RAB10: variants seen among roughly 807,000 people sequenced by gnomAD.
RAB10 encodes RAB10, member RAS oncogene family, also known as ras-related protein Rab-10.
Under a neutral mutation model 25.7 loss-of-function variants are expected in RAB10, and 5 were observed. The observed-to-expected ratio is 0.19, with a 90% CI of 0.10 to 0.41. The LOEUF (loss-of-function observed/expected upper bound fraction) is 0.41. Ranked by LOEUF, RAB10 falls within the 10% of genes least tolerant of loss-of-function variation. RAB10 has a pLI of 1.00. For missense variants in RAB10, 103 were observed against 245.8 expected (o/e 0.42, Z 3.89); for synonymous variants, 89 against 86.4 (o/e 1.03, Z -0.16).
chr2:26,098,616 A>C (rs2149280140), intron 1 of RAB10, 46 bp from the exon 2 acceptor site: 1 of 1,416,680 alleles, frequency 7.1e-7, no homozygotes, highest in Middle Eastern at 1.9e-4. Context: ...TAGTATAGCC[A>C]AATGTAAAGC....
chr2:26,103,328 C>T (rs1481538766), intron 2 of RAB10, among the ~76,000 whole-genome samples: 4 of 152,100 alleles, frequency 2.6e-5, no homozygotes, highest in African/African-American at 9.7e-5. Flanking sequence ...CAGTCATATG[C>T]AGGTAGTGGG....
Position 26,071,578 on chromosome 2 carries a change from C to T in RAB10, c.128-27084C>T, listed in dbSNP as rs193186951. Among the ~76,000 whole-genome samples the T allele has an allele frequency of 4.1e-4, 63 of 152,128 alleles. No individual in the cohort carries two copies. In the East Asian group the frequency reaches 0.011, roughly 27 times the overall value. ...TGGTGGGCACCTGTAATCCCAGCTA[C>T]TTGGGAGACTGAGGCAGGAGAATTG... On this transcript the variant is annotated intron_variant, in intron 1 of 5. Transcript: ENST00000264710.
chr2:26,038,500 C>T (rs184210803), intron 1 of RAB10, among the ~76,000 whole-genome samples: 1 of 152,024 alleles, frequency 6.6e-6, no homozygotes, highest in African/African-American at 2.4e-5. Flanking sequence ...CCAGCCTAGA[C>T]TCTGACATTT....
In RAB10 at chr2:26,092,252, TAGTG is replaced by T. The variant is rs568716709; in HGVS notation, c.128-6407_128-6404del. ...TTGGGAACATGGAGATCATTGATCA[TAGTG>T]AGAGCTGTGTGTGTGTGTGTGTGTG... On this transcript the variant is annotated intron_variant, in intron 1 of 5. Transcript: ENST00000264710. Among the ~76,000 whole-genome samples the T allele has an allele frequency of 6.3e-4, 92 of 146,782 alleles. No individual in the cohort carries two copies. In the East Asian group the frequency reaches 7.3e-3, roughly 12 times the overall value.
At chr2:26,034,876 C>T in intron 1 of RAB10, 141 bp downstream of exon 1, 1 of 1,278,780 alleles carries the variant, frequency 7.8e-7, no homozygotes. Context: ...CTGTTTGAAT[C>T]GGCATCGAGC....
intron 5 of RAB10, among the ~76,000 whole-genome samples, chr2:26,129,157 C>T (rs959663489): frequency 2.6e-5 from 4 of 151,540 alleles, no homozygotes; most frequent in African/African-American, 9.7e-5. Flanking sequence ...GTAATCCCAG[C>T]TTCTTGGGAG....
chr2:26,129,430 GT>G (rs1223109992), intron 5 of RAB10, among the ~76,000 whole-genome samples: 1 of 152,092 alleles, frequency 6.6e-6, no homozygotes, highest in African/African-American at 2.4e-5. Flanking sequence ...AAAGGTAGAT[GT>G]TTGTTTTTAA....
At chr2:26,071,075 AT>A (rs1220414618) in intron 1 of RAB10, among the ~76,000 whole-genome samples, 1 of 152,184 alleles carries the variant, frequency 6.6e-6, no homozygotes, top group African/African-American at 2.4e-5. Flanking sequence ...AACTAAAATA[AT>A]TTTCCTCAAG....
chr2:26,082,425 G>T (rs1666889086), intron 1 of RAB10, among the ~76,000 whole-genome samples: 1 of 152,078 alleles, frequency 6.6e-6, no homozygotes, highest in South Asian at 2.1e-4. Context: ...TAGAAATAAA[G>T]AGGATCTTTT....
chr2:26,035,797 A>G (rs989899579), intron 1 of RAB10, among the ~76,000 whole-genome samples: 9 of 152,244 alleles, frequency 5.9e-5, no homozygotes, highest in East Asian at 1.9e-4. Flanking sequence ...GGGAATTGTC[A>G]AAATTAAGCT....
intron 1 of RAB10, 127 bp downstream of exon 1, chr2:26,034,862 G>GTT: frequency 7.3e-7 from 1 of 1,366,436 alleles, no homozygotes; most frequent in Non-Finnish European, 1.0e-6. Flanking sequence ...ACACATCCAA[G>GTT]TTACTGTTTG....
At chr2:26,121,234 T>C (rs913581606) in intron 3 of RAB10, among the ~76,000 whole-genome samples, 1 of 152,200 alleles carries the variant, frequency 6.6e-6, no homozygotes, top group Non-Finnish European at 1.5e-5. Context: ...GTTAAGCTTG[T>C]GATTCTACTA....
At chr2:26,072,491 C>G (rs898531440) in intron 1 of RAB10, among the ~76,000 whole-genome samples, 7 of 151,946 alleles carry the variant, frequency 4.6e-5, no homozygotes, top group Non-Finnish European at 1.0e-4. Flanking sequence ...TCAGATTCTA[C>G]CTTGCAACTA....
chr2:26,109,136 C>T (rs1269351353), intron 2 of RAB10, among the ~76,000 whole-genome samples: 1 of 143,840 alleles, frequency 7.0e-6, no homozygotes. Context: ...TCTTGAACTC[C>T]TGACCTTAAG....
intron 1 of RAB10, among the ~76,000 whole-genome samples, chr2:26,095,328 C>T (rs1053897095): frequency 6.6e-6 from 1 of 152,068 alleles, no homozygotes. Flanking sequence ...CAAGCTCAGG[C>T]CGGGCGCGGT....
At chr2:26,075,678 T>C (rs1247108898) in intron 1 of RAB10, among the ~76,000 whole-genome samples, 1 of 152,104 alleles carries the variant, frequency 6.6e-6, no homozygotes, top group Non-Finnish European at 1.5e-5. Context: ...AGGGACAAGT[T>C]GTCATGACAT....
chr2:26,125,006 C>G (rs1215099915), intron 3 of RAB10, among the ~76,000 whole-genome samples: 1 of 152,066 alleles, frequency 6.6e-6, no homozygotes, highest in East Asian at 1.9e-4. Context: ...ATTCATTCAC[C>G]CATTGTTGGA....
At chr2:26,044,225 A>C (rs1665947607) in intron 1 of RAB10, among the ~76,000 whole-genome samples, 1 of 152,200 alleles carries the variant, frequency 6.6e-6, no homozygotes, top group South Asian at 2.1e-4. Flanking sequence ...AAAAACTAAC[A>C]CTCGACCCAG....
At chr2:26,124,417 T>TTTTTTTTTTTTTTTTG (rs1667867053) in intron 3 of RAB10, among the ~76,000 whole-genome samples, 3 of 119,590 alleles carry the variant, frequency 2.5e-5, no homozygotes, top group East Asian at 2.5e-4. Flanking sequence ...TTTTTTTTTT[T>TTTTTTTTTTTTTTTTG]GAGACAGGTT....
Sources: gnomAD v4.1 joint callset for allele counts (sites outside exome capture counted in the v4.1 genomes callset) on GRCh38, gnomAD v4.1.1 for gene constraint, MANE v1.5 for transcripts, NCBI Gene and HGNC (gene_info 2026-07-23, HGNC 2026-07-21) for gene names.